OR4K1: variants seen among roughly 807,000 people sequenced by gnomAD.
The protein encoded by OR4K1 is olfactory receptor 4K1.
A neutral mutation model predicts 14.4 loss-of-function variants in OR4K1; 16 were observed. The ratio of observed to expected loss-of-function variants is 1.11; its 90% confidence interval spans 0.75 to 1.68. The LOEUF (loss-of-function observed/expected upper bound fraction) is 1.68. OR4K1 is among the 40% of genes most tolerant of loss of function. The pLI, the probability that OR4K1 is intolerant of heterozygous loss-of-function variation, is 0.00. For missense variants in OR4K1, 548 were observed against 376.9 expected (o/e 1.45, Z -3.76); for synonymous variants, 181 against 133.1 (o/e 1.36, Z -2.48).
chr14:19,922,713 A>C, the OR4K1 span, among the ~76,000 whole-genome samples: 1 of 151,122 alleles, frequency 6.6e-6, no homozygotes, highest in African/African-American at 2.4e-5. Context: ...AAATAGATTC[A>C]TGTAGTCACA....
At chr14:19,920,468 A>C in the OR4K1 span, 1 of 1,097,118 alleles carries the variant, frequency 9.1e-7, no homozygotes, top group East Asian at 2.5e-5. Flanking sequence ...CCTCTTCAAA[A>C]TTTTTGCATT....
At chr14:19,921,495 G>A in the OR4K1 span, 1 of 1,614,004 alleles carries the variant, frequency 6.2e-7, no homozygotes, top group East Asian at 2.2e-5. Context: ...TATGAAGGCT[G>A]CCGTAAGGAA....
Position 19,935,885 on chromosome 14 carries a change from G to A in OR4K1, c.219G>A (p.Gln73=), listed in dbSNP as rs149219228. The A allele has an allele frequency of 1.9e-6, 3 of 1,614,246 alleles. No individual in the cohort carries two copies. Among genetic ancestry groups the A allele is most frequent in the African/African-American group, 1.3e-5 (1 of 75,062 alleles). ...LSNLSFIDIC[Q]SNFATPKMLV... Reference sequence around the variant, plus strand: ...ATCTTTCTTTCATTGATATCTGTCAGTCTAACTTTGCCACCCCCAAGATGC... The same window carrying A: ...ATCTTTCTTTCATTGATATCTGTCAATCTAACTTTGCCACCCCCAAGATGC... Residue 73 remains glutamine, a synonymous_variant, in exon 2 of 2, where the codon CAG becomes CAA. Transcript: ENST00000641172.
In OR4K1 at chr14:19,935,761, C is replaced by G. The variant is rs1240704471; in HGVS notation, c.95C>G (p.Ser32Cys). The stretch of plus-strand genomic sequence containing the variant: ...CAACTTTTCTTTTTTGCCATCTTCT[C>G]TATAGTCTATGTGACATCAGTGCTA... ...GLQLFFFAIF[S>C]IVYVTSVLGN... The change falls in exon 2 of 2, where the codon TCT (serine) becomes TGT (cysteine). Residue 32 changes from serine (S) to cysteine (C), a missense_variant. Physicochemically the swap from Ser to Cys is moderately radical, Grantham distance 112. Transcript: ENST00000641172. 3 of 1,614,092 alleles carry G rather than the reference C, an allele frequency of 1.9e-6. No individual in the cohort carries two copies. The highest frequency in any genetic ancestry group is 1.3e-5 in the African/African-American group (1 of 75,044).
At position 19,936,682 on chromosome 14, in the gene OR4K1, C is replaced by G. The variant is rs1882337277; in HGVS notation, c.*80C>G. ...CATAGTGTCATGCCAACCATCTTTG[C>G]CAGACATATGGGTTATTGAGTTACA... On this transcript the variant is annotated 3_prime_UTR_variant, in exon 2 of 2. Coordinates refer to ENST00000641172, the MANE Select transcript of OR4K1 (RefSeq NM_001004063.3). The G allele has an allele frequency of 1.5e-6, 2 of 1,303,774 alleles. No homozygotes were observed. The highest frequency in any genetic ancestry group is 1.5e-5 in the South Asian group (1 of 64,872). 80.8% of individuals were successfully genotyped at this position (1,303,774 alleles called of 1,614,324 possible).
chr14:19,921,674 G>A, the OR4K1 span: 168 of 1,246,160 alleles, frequency 1.3e-4, 1 homozygote, highest in Admixed American at 4.2e-3. Flanking sequence ...TAGTGAAGAA[G>A]ATAATATAGA....
upstream of OR4K1, among the ~76,000 whole-genome samples, chr14:19,928,569 G>A (rs1464694217): frequency 5.3e-5 from 8 of 152,070 alleles, no homozygotes; most frequent in South Asian, 1.2e-3. Flanking sequence ...ATAATAAATA[G>A]GGTTTTTATT....
the OR4K1 span, among the ~76,000 whole-genome samples, chr14:19,920,282 T>A: frequency 6.6e-6 from 1 of 152,228 alleles, no homozygotes; most frequent in Non-Finnish European, 1.5e-5. Flanking sequence ...AGGTCACTCC[T>A]CTAGTCTTGT....
At chr14:19,929,131 A>G (rs192706178), upstream of OR4K1, among the ~76,000 whole-genome samples, 13 of 151,712 alleles carry the variant, frequency 8.6e-5, no homozygotes, top group African/African-American at 2.9e-4. Flanking sequence ...TGATCCAATT[A>G]AAATTTATTT....
In OR4K1 at chr14:19,936,461, T is replaced by C; in HGVS notation, c.795T>C (p.Leu265=). Reference sequence around the variant, plus strand: ...TCTATATATGGCCTTTTAGCAGACTTCCTGTGGACAAATTTCTTTCTGTGT... The same window carrying C: ...TCTATATATGGCCTTTTAGCAGACTCCCTGTGGACAAATTTCTTTCTGTGT... ...IYFYIWPFSR[L]PVDKFLSVFY... The change falls in exon 2 of 2, where the codon CTT becomes CTC. Residue 265 remains leucine (L), a synonymous_variant. Transcript: ENST00000641172. 6.2e-7 allele frequency: 1 copy of C among 1,614,108 alleles called. No homozygotes were observed. The highest frequency in any genetic ancestry group is 8.5e-7 in the Non-Finnish European group (1 of 1,180,048).
intron 1 of OR4K1, among the ~76,000 whole-genome samples, chr14:19,932,636 G>C (rs1011670096): frequency 6.6e-6 from 1 of 152,210 alleles, no homozygotes; most frequent in Non-Finnish European, 1.5e-5. Context: ...TTGTCCAAAA[G>C]CATCTCCTAG....
Position 19,935,670 on chromosome 14 carries a change from G to A in OR4K1, c.4G>A (p.Ala2Thr). The A allele has an allele frequency of 6.3e-7, 1 of 1,591,028 alleles. No individual in the cohort carries two copies. Among genetic ancestry groups the A allele is most frequent in the Non-Finnish European group, 8.5e-7 (1 of 1,171,174 alleles). The change falls in exon 2 of 2, where the codon GCT becomes ACT. Residue 2 changes from alanine to threonine, a missense_variant. Coordinates refer to ENST00000641172, the MANE Select transcript of OR4K1 (RefSeq NM_001004063.3). ...TAGGTAACTGAATATTGGATACATG[G>A]CTCACACAAATGAATCGATGGTGTC... M[A>T]HTNESMVSEF...
the OR4K1 span, among the ~76,000 whole-genome samples, chr14:19,923,864 T>C: frequency 4.7e-4 from 71 of 152,368 alleles, no homozygotes; most frequent in Admixed American, 3.7e-3. Flanking sequence ...TAATTCCTAT[T>C]ACCAGTTGCT....
Position 19,931,078 on chromosome 14 carries a change from A to G in OR4K1, c.-87A>G, listed in dbSNP as rs1046138525. On this transcript the variant is annotated 5_prime_UTR_variant, in exon 1 of 2. Transcript: ENST00000641172. The stretch of plus-strand genomic sequence containing the variant: ...TCATAGCAGAAAGTGGGAAATGGAA[A>G]CAAACCAGAGGACACCAAACTGGGA... 1.3e-5 allele frequency: 2 copies of G among 152,392 alleles called. No homozygotes were observed. Among genetic ancestry groups the G allele is most frequent in the African/African-American group, 4.8e-5 (2 of 41,474 alleles). The allele number at this position is 152,392 out of a possible 1,614,324, so 9.4% of individuals were successfully genotyped here. A position where few individuals can be genotyped will look rare whatever the true frequency, so the allele number is the denominator to read the frequency against.
intron 1 of OR4K1, among the ~76,000 whole-genome samples, chr14:19,931,675 T>C (rs1463639357): frequency 6.6e-6 from 1 of 152,246 alleles, no homozygotes; most frequent in Non-Finnish European, 1.5e-5. Context: ...ATAGTAGATA[T>C]TAATGCAACA....
Position 19,931,637 on chromosome 14 carries a change from T to C in OR4K1, c.-20+492T>C, listed in dbSNP as rs117151864. Among the ~76,000 whole-genome samples, 515 of 152,286 alleles carry C rather than the reference T, an allele frequency of 3.4e-3. 1 individual carries two copies. In the East Asian group the frequency reaches 0.083, roughly 25 times the overall value. ...AACAAGAAAAAATTATTCATGCTTATGATTTCAGAGTTCCATTGACACATT... is the reference window on the plus strand; with the variant it reads ...AACAAGAAAAAATTATTCATGCTTACGATTTCAGAGTTCCATTGACACATT... On this transcript the variant is annotated intron_variant, in intron 1 of 1. Coordinates refer to ENST00000641172, the MANE Select transcript of OR4K1 (RefSeq NM_001004063.3).
the OR4K1 span, chr14:19,921,381 G>A: frequency 6.2e-6 from 10 of 1,613,940 alleles, no homozygotes; most frequent in African/African-American, 9.3e-5. Flanking sequence ...CTTCATCTAT[G>A]TGTGGCCCTT....
chr14:19,922,443 C>T, the OR4K1 span, among the ~76,000 whole-genome samples: 2 of 152,236 alleles, frequency 1.3e-5, no homozygotes, highest in East Asian at 3.8e-4. Context: ...TGGACTAGAT[C>T]TGGTCCAGTG....
At chr14:19,935,489 T>C (rs1351133809) in intron 1 of OR4K1, 159 bp from the exon 2 acceptor site, 1 of 593,106 alleles carries the variant, frequency 1.7e-6, no homozygotes, top group Non-Finnish European at 2.8e-6. Context: ...GTCATGGATG[T>C]TAAATATTAG....
Sources: gnomAD v4.1 joint callset for allele counts (sites outside exome capture counted in the v4.1 genomes callset) on GRCh38, gnomAD v4.1.1 for gene constraint, MANE v1.5 for transcripts, NCBI Gene and HGNC (gene_info 2026-07-23, HGNC 2026-07-21) for gene names.